Variants in DACH1 observed in about 807,000 individuals in gnomAD.
DACH1 encodes the protein dachshund homolog 1.
Under a neutral mutation model 54.2 loss-of-function variants are expected in DACH1, and 12 were observed. The observed-to-expected ratio is 0.22, with a 90% CI of 0.14 to 0.36. The LOEUF (loss-of-function observed/expected upper bound fraction) is 0.36, where lower values mean the gene tolerates loss of function less well. Among genes scored for constraint, DACH1 ranks in the 10% least tolerant of loss-of-function variants. DACH1 has a pLI of 1.00. For synonymous variants in DACH1, 386 were observed against 366.2 expected (o/e 1.05, Z -0.62); for missense variants, 805 against 929.8 (o/e 0.87, Z 1.75).
At chr13:71,462,201 A>G (rs992516746) in intron 10 of DACH1, among the ~76,000 whole-genome samples, 2 of 151,894 alleles carry the variant, frequency 1.3e-5, no homozygotes, top group Non-Finnish European at 1.5e-5. Flanking sequence ...GTCTGCAGTT[A>G]CTCCACACTA....
intron 1 of DACH1, among the ~76,000 whole-genome samples, chr13:71,720,902 A>G (rs1016645594): frequency 6.6e-5 from 10 of 152,174 alleles, no homozygotes; most frequent in African/African-American, 2.4e-4. Flanking sequence ...CTACACCCAG[A>G]TAAATGTCCC....
At chr13:71,741,107 T>C (rs1180993361) in intron 1 of DACH1, among the ~76,000 whole-genome samples, 1 of 152,184 alleles carries the variant, frequency 6.6e-6, no homozygotes, top group Non-Finnish European at 1.5e-5. Flanking sequence ...AACTCTACAA[T>C]GCTGTTTTTA....
chr13:71,548,422 A>T (rs551397077), intron 6 of DACH1, among the ~76,000 whole-genome samples: 1 of 152,318 alleles, frequency 6.6e-6, no homozygotes, highest in East Asian at 1.9e-4. Flanking sequence ...ATATTAAAAA[A>T]TAAGAAAGCT....
intron 1 of DACH1, among the ~76,000 whole-genome samples, chr13:71,748,765 CTAATA>C (rs1389598284): frequency 3.3e-5 from 5 of 152,092 alleles, no homozygotes; most frequent in African/African-American, 1.2e-4. Flanking sequence ...ATTTTCTTAA[CTAATA>C]TATCATCTTT....
chr13:71,744,694 G>T (rs573867852), intron 1 of DACH1, among the ~76,000 whole-genome samples: 3 of 152,238 alleles, frequency 2.0e-5, no homozygotes, highest in East Asian at 3.9e-4. Flanking sequence ...TGCCCACTTT[G>T]GTTGGGATTT....
intron 6 of DACH1, among the ~76,000 whole-genome samples, chr13:71,531,744 T>G (rs951017480): frequency 6.6e-6 from 1 of 151,980 alleles, no homozygotes; most frequent in African/African-American, 2.4e-5. Context: ...GTTATTAATG[T>G]TGTCATTTTC....
At chr13:71,796,372 A>G (rs1245946184) in intron 1 of DACH1, among the ~76,000 whole-genome samples, 2 of 152,112 alleles carry the variant, frequency 1.3e-5, no homozygotes, top group African/African-American at 4.8e-5. Flanking sequence ...TAGCTATTAT[A>G]AAAATCTTAC....
intron 3 of DACH1, among the ~76,000 whole-genome samples, chr13:71,625,355 GT>G (rs895404114): frequency 1.3e-4 from 20 of 151,914 alleles, no homozygotes; most frequent in Admixed American, 1.3e-4. Context: ...GTCTCCAAGA[GT>G]TTTTCCTGAA....
intron 1 of DACH1, among the ~76,000 whole-genome samples, chr13:71,744,467 C>G (rs2137956701): frequency 6.6e-6 from 1 of 152,240 alleles, no homozygotes; most frequent in South Asian, 2.1e-4. Context: ...GACGGTAGAG[C>G]CAGAAGTATC....
chr13:71,691,098 C>T (rs1881455330), intron 1 of DACH1, among the ~76,000 whole-genome samples: 1 of 152,146 alleles, frequency 6.6e-6, no homozygotes, highest in South Asian at 2.1e-4. Context: ...TCTTTCATTT[C>T]AATGGCATAT....
chr13:71,683,347 C>T (rs1222039436), intron 1 of DACH1, among the ~76,000 whole-genome samples: 1 of 151,692 alleles, frequency 6.6e-6, no homozygotes, highest in African/African-American at 2.4e-5. Context: ...AAGAAGGCAG[C>T]GGGAACATTA....
intron 2 of DACH1, among the ~76,000 whole-genome samples, chr13:71,655,667 G>A (rs1422812129): frequency 6.6e-6 from 1 of 151,946 alleles, no homozygotes; most frequent in Non-Finnish European, 1.5e-5. Context: ...CACTGAGCCT[G>A]GCTGCCTCTT....
intron 3 of DACH1, among the ~76,000 whole-genome samples, chr13:71,576,350 A>C (rs1885524589): frequency 6.6e-6 from 1 of 152,186 alleles, no homozygotes; most frequent in Non-Finnish European, 1.5e-5. Context: ...TAGTGTAACT[A>C]AAATTCAAAT....
rs114742866 is a variant in DACH1, at chr13:71,532,260, T to C, written c.1570+24764A>G. Reference sequence around the variant, plus strand: ...TAGACTATATTGTTAAAATCTAACCTTTCAAGAGAGTTTAAGAAAAAGATA... The same window carrying C: ...TAGACTATATTGTTAAAATCTAACCCTTCAAGAGAGTTTAAGAAAAAGATA... On this transcript the variant is annotated intron_variant, in intron 6 of 10. Coordinates refer to ENST00000613252, the MANE Select transcript of DACH1 (RefSeq NM_080759.6). Among the ~76,000 whole-genome samples, 490 of 152,026 alleles carry C rather than the reference T, an allele frequency of 3.2e-3. 4 individuals are homozygous for C. The highest frequency in any genetic ancestry group is 0.011 in the African/African-American group (459 of 41,538).
chr13:71,444,940 C>T (rs902407561), intron 10 of DACH1, among the ~76,000 whole-genome samples: 3 of 152,098 alleles, frequency 2.0e-5, no homozygotes, highest in African/African-American at 7.2e-5. Flanking sequence ...CCCTCTCTCC[C>T]TACTTCCCCT....
At chr13:71,679,738 A>C (rs1880782985) in intron 2 of DACH1, among the ~76,000 whole-genome samples, 2 of 152,050 alleles carry the variant, frequency 1.3e-5, no homozygotes, top group Non-Finnish European at 2.9e-5. Context: ...TAATCCCAGC[A>C]CTTTGGGAGG....
intron 6 of DACH1, among the ~76,000 whole-genome samples, chr13:71,490,740 G>A (rs1009171994): frequency 1.3e-5 from 2 of 152,164 alleles, no homozygotes; most frequent in Admixed American, 1.3e-4. Flanking sequence ...CCAAACCAAG[G>A]CTGCTAGTGT....
intron 1 of DACH1, among the ~76,000 whole-genome samples, chr13:71,695,381 A>G (rs1460249770): frequency 6.6e-6 from 1 of 152,224 alleles, no homozygotes; most frequent in African/African-American, 2.4e-5. Context: ...CCTCTCTCCA[A>G]AAGTCGTCTT....
intron 1 of DACH1, among the ~76,000 whole-genome samples, chr13:71,750,573 T>C (rs948877317): frequency 1.3e-5 from 2 of 152,216 alleles, no homozygotes; most frequent in African/African-American, 2.4e-5. Flanking sequence ...TGCAAATTGT[T>C]TCTTTAGAAT....
Sources: gnomAD v4.1 joint callset for allele counts (sites outside exome capture counted in the v4.1 genomes callset) on GRCh38, gnomAD v4.1.1 for gene constraint, MANE v1.5 for transcripts, NCBI Gene and HGNC (gene_info 2026-07-23, HGNC 2026-07-21) for gene names.